Variants in WDR70 observed in about 807,000 individuals in gnomAD.
WDR70 encodes WD repeat domain 70.
A neutral mutation model predicts 88.6 loss-of-function variants in WDR70; 53 were observed. The ratio of observed to expected loss-of-function variants is 0.60; its 90% CI spans 0.48 to 0.75. WDR70 has a LOEUF of 0.75. Ranked by LOEUF, WDR70 falls within the 30% of genes least tolerant of loss-of-function variation. WDR70 has a pLI of 0.00. For synonymous variants in WDR70, 280 were observed against 270.0 expected, an observed-to-expected ratio of 1.04 and a Z score of -0.36; for missense variants, 610 against 823.2, an observed-to-expected ratio of 0.74 and a Z score of 3.17.
chr5:37,678,175 CTCTT>C (rs1209748887), intron 10 of WDR70, among the ~76,000 whole-genome samples: 5 of 152,186 alleles, frequency 3.3e-5, no homozygotes, highest in African/African-American at 1.2e-4. Flanking sequence ...TGGGTCTTGA[CTCTT>C]TATCCAATTT....
At chr5:37,538,769 T>G (rs559746647) in intron 9 of WDR70, among the ~76,000 whole-genome samples, 5 of 152,300 alleles carry the variant, frequency 3.3e-5, no homozygotes, top group Non-Finnish European at 5.9e-5. Flanking sequence ...AAATTAATGA[T>G]GAAGTATTAA....
intron 7 of WDR70, among the ~76,000 whole-genome samples, chr5:37,447,617 A>G (rs1471725617): frequency 6.6e-6 from 1 of 152,212 alleles, no homozygotes; most frequent in Non-Finnish European, 1.5e-5. Context: ...ATAAAAAATG[A>G]TGAGTTCATG....
rs557189043 is a variant in WDR70 at position 37,658,699 on chromosome 5, A to G, written c.1093-38956A>G. ...GTGCCATCTGTTTAGCCCCAGCTTC[A>G]GAAGTGCTAGGTGCTCCAACCGTTA... On this transcript the variant is annotated intron_variant, in intron 10 of 17. Transcript: ENST00000265107. Among the ~76,000 whole-genome samples, 165 of 152,262 alleles carry G rather than the reference A, an allele frequency of 1.1e-3. 2 individuals are homozygous for G. Among genetic ancestry groups the G allele is most frequent in the Middle Eastern group, 0.01 (3 of 294 alleles).
intron 17 of WDR70, among the ~76,000 whole-genome samples, chr5:37,730,079 G>C (rs1748100598): frequency 6.6e-6 from 1 of 151,828 alleles, no homozygotes. Context: ...GAAAATCTTT[G>C]GTGAAGTGTA....
At position 37,416,523 on chromosome 5, in the gene WDR70, GGGGAGAGGGAGAGGGAGATCGTGGGGAGA is replaced by G. The variant is rs1226882346; in HGVS notation, c.492+19969_492+19997del. The stretch of plus-strand genomic sequence containing the variant: ...GGAAAGAGAGGGAGAGGGAGATCGT[GGGGAGAGGGAGAGGGAGATCGTGGGGAGA>G]GGGAGAGGGAGAGGGCTTGGGAGAG... On this transcript the variant is annotated intron_variant, in intron 5 of 17. Transcript: ENST00000265107. Among the ~76,000 whole-genome samples, 4 of 149,864 alleles carry G rather than the reference GGGGAGAGGGAGAGGGAGATCGTGGGGAGA, an allele frequency of 2.7e-5. No individual in the cohort carries two copies. In the East Asian group the frequency reaches 5.8e-4, roughly 22 times the overall value.
At chr5:37,463,279 A>G (rs1739067815) in intron 7 of WDR70, among the ~76,000 whole-genome samples, 1 of 151,936 alleles carries the variant, frequency 6.6e-6, no homozygotes, top group Non-Finnish European at 1.5e-5. Flanking sequence ...ATCGAAAAAA[A>G]AAAAAAGACT....
chr5:37,449,771 T>G (rs555317981), intron 7 of WDR70, among the ~76,000 whole-genome samples: 82 of 152,146 alleles, frequency 5.4e-4, no homozygotes, highest in Non-Finnish European at 1.0e-3. Context: ...ACTATACTTT[T>G]AAGTTCTGGG....
intron 3 of WDR70, among the ~76,000 whole-genome samples, chr5:37,382,145 C>G (rs1464224748): frequency 6.6e-6 from 1 of 150,708 alleles, no homozygotes; most frequent in African/African-American, 2.5e-5. Context: ...GTTGCCCAGG[C>G]TGGAGTGCAA....
At chr5:37,720,910 T>A (rs1328781789) in intron 13 of WDR70, among the ~76,000 whole-genome samples, 1 of 152,184 alleles carries the variant, frequency 6.6e-6, no homozygotes, top group Non-Finnish European at 1.5e-5. Flanking sequence ...TTTTTATTTT[T>A]ATGGAGTATC....
rs191842688 is a variant in WDR70 at position 37,578,296 on chromosome 5, C to T, written c.918-26768C>T. 2.5e-3 allele frequency among the ~76,000 whole-genome samples: 374 copies of T among 151,144 alleles called. 1 individual carries two copies. Among genetic ancestry groups the T allele is most frequent in the African/African-American group, 8.7e-3 (359 of 41,390 alleles). ...AGAATGAAGTTAATGAGTTGAATAA[C>T]CATAAATAGGTCAACATTTTTAGGA... On this transcript the variant is annotated intron_variant, in intron 9 of 17. Coordinates refer to ENST00000265107, the MANE Select transcript of WDR70 (RefSeq NM_018034.4).
At chr5:37,557,959 T>TTTGAAAACTCTTCAAAAGAGG in intron 9 of WDR70, among the ~76,000 whole-genome samples, 7 of 146,506 alleles carry the variant, frequency 4.8e-5, no homozygotes, top group Admixed American at 6.8e-5. Context: ...AAAAGAGTAT[T>TTTGAAAACTCTTCAAAAGAGG]ATGTATATTT....
chr5:37,528,912 T>G (rs997687160), intron 9 of WDR70, among the ~76,000 whole-genome samples: 1 of 148,394 alleles, frequency 6.7e-6, no homozygotes, highest in African/African-American at 2.4e-5. Context: ...GAGGGGGTTT[T>G]TTTTTTTTTT....
intron 10 of WDR70, among the ~76,000 whole-genome samples, chr5:37,608,798 G>A (rs1400514241): frequency 6.6e-6 from 1 of 151,868 alleles, no homozygotes; most frequent in Non-Finnish European, 1.5e-5. Flanking sequence ...GACTTAAGCA[G>A]TCTCCCCACC....
At chr5:37,475,438 A>G (rs906755003) in intron 7 of WDR70, among the ~76,000 whole-genome samples, 3 of 151,680 alleles carry the variant, frequency 2.0e-5, no homozygotes, top group African/African-American at 7.3e-5. Flanking sequence ...GGGTTTCTCC[A>G]TGTTGGTCAG....
intron 9 of WDR70, among the ~76,000 whole-genome samples, chr5:37,528,703 T>G (rs2112298253): frequency 6.6e-6 from 1 of 152,324 alleles, no homozygotes; most frequent in Admixed American, 6.5e-5. Context: ...CCTTGTAGAT[T>G]CTAGGTATTA....
intron 10 of WDR70, among the ~76,000 whole-genome samples, chr5:37,644,861 CT>C (rs1322970857): frequency 6.6e-6 from 1 of 151,504 alleles, no homozygotes; most frequent in African/African-American, 2.4e-5. Flanking sequence ...GGTCTTCTGT[CT>C]TTTTTTGTTA....
chr5:37,724,830 CATT>C (rs3074547), intron 15 of WDR70, 101 bp from the exon 16 acceptor site: 557,065 of 1,122,388 alleles, frequency 0.5, 143,640 homozygotes, highest in Non-Finnish European at 0.54. Flanking sequence ...TCAAGACTGT[CATT>C]ATGACTTCCA....
At chr5:37,581,867 T>C (rs1436451754) in intron 9 of WDR70, among the ~76,000 whole-genome samples, 1 of 152,170 alleles carries the variant, frequency 6.6e-6, no homozygotes, top group East Asian at 1.9e-4. Context: ...TGGAGACAGC[T>C]GTGTTGCTTT....
At chr5:37,606,414 T>C (rs1744033392) in intron 10 of WDR70, among the ~76,000 whole-genome samples, 1 of 152,206 alleles carries the variant, frequency 6.6e-6, no homozygotes, top group South Asian at 2.1e-4. Context: ...CTGGTTTTCA[T>C]CATCTCTGGG....
Sources: allele counts gnomAD v4.1 joint callset (sites outside exome capture counted in the v4.1 genomes callset), GRCh38; gene constraint gnomAD v4.1.1; transcripts MANE v1.5; gene names NCBI Gene and HGNC (gene_info 2026-07-23, HGNC 2026-07-21).